The following SLC12A1 variants were observed in gnomAD, a reference collection of about 807,000 sequenced individuals.
SLC12A1 encodes the protein solute carrier family 12 member 1, also known as Na-K-2Cl cotransporter.
In SLC12A1, 89 loss-of-function variants were observed where a neutral mutation model predicts 130.4. The observed-to-expected ratio is 0.68, with a 90% CI of 0.58 to 0.81. SLC12A1 has a LOEUF of 0.81. SLC12A1 is among the 40% of genes least tolerant of loss of function. The pLI, the probability that SLC12A1 is intolerant of heterozygous loss-of-function variation, is 0.00. For synonymous variants in SLC12A1, 499 were observed against 460.0 expected (o/e 1.08, Z -1.09); for missense variants, 1,310 against 1,336.4 (o/e 0.98, Z 0.31).
intron 12 of SLC12A1, 93 bp from the exon 13 acceptor site, chr15:48,247,244 T>C: frequency 5.2e-6 from 7 of 1,340,570 alleles, no homozygotes; most frequent in Non-Finnish European, 7.2e-6. Context: ...GTGTATCACT[T>C]AATCTTTCCC....
chr15:48,283,254 G>C (rs150360965), intron 20 of SLC12A1, among the ~76,000 whole-genome samples: 309 of 152,306 alleles, frequency 2.0e-3, no homozygotes, highest in African/African-American at 6.8e-3. Flanking sequence ...TGGGGGGTGG[G>C]AAAAGGAAAG....
Position 48,278,603 on chromosome 15 carries a change from C to T in SLC12A1, c.2485+3950C>T, listed in dbSNP as rs752449384. On this transcript the variant is annotated intron_variant, in intron 20 of 26. Transcript: ENST00000380993. ...GGCTGCCTGTCTATGGTAACATAGA[C>T]CTGACTTTGAGGGCAATTACAAGAA... Among the ~76,000 whole-genome samples the T allele has an allele frequency of 6.6e-5, 10 of 152,252 alleles. No individual in the cohort carries two copies. In the South Asian group the frequency reaches 1.9e-3, roughly 28 times the overall value.
intron 2 of SLC12A1, among the ~76,000 whole-genome samples, chr15:48,211,813 T>C (rs1432807239): frequency 6.6e-6 from 1 of 152,224 alleles, no homozygotes; most frequent in Non-Finnish European, 1.5e-5. Flanking sequence ...GACATTATTT[T>C]AAGGCTCTAC....
At chr15:48,238,392 A>C (rs966795473) in intron 9 of SLC12A1, among the ~76,000 whole-genome samples, 3 of 152,202 alleles carry the variant, frequency 2.0e-5, no homozygotes, top group African/African-American at 7.2e-5. Context: ...TATGTGCAAA[A>C]GGGAAGACAG....
intron 24 of SLC12A1, among the ~76,000 whole-genome samples, chr15:48,295,322 G>C (rs190795327): frequency 6.6e-6 from 1 of 152,142 alleles, no homozygotes; most frequent in East Asian, 1.9e-4. Flanking sequence ...CTCTTTACTT[G>C]TCAATCTGGT....
At chr15:48,301,166 C>T in intron 25 of SLC12A1, 149 bp from the exon 26 acceptor site, 3 of 660,154 alleles carry the variant, frequency 4.5e-6, no homozygotes, top group South Asian at 1.8e-5. Flanking sequence ...GGTTTTAAAA[C>T]ACCATAAGTT....
chr15:48,208,162 A>C, intron 2 of SLC12A1, 23 bp downstream of exon 2: 1 of 1,545,310 alleles, frequency 6.5e-7, no homozygotes, highest in Non-Finnish European at 8.7e-7. Context: ...GACACAAGCA[A>C]GTCTCCTCCC....
At chr15:48,298,969 C>T (rs1004011919) in intron 24 of SLC12A1, among the ~76,000 whole-genome samples, 171 bp from the exon 25 acceptor site, 1 of 152,172 alleles carries the variant, frequency 6.6e-6, no homozygotes, top group Non-Finnish European at 1.5e-5. Context: ...GGAGGGAGTA[C>T]TGTAGCCATG....
chr15:48,226,620 C>A, intron 5 of SLC12A1, 49 bp downstream of exon 5: 1 of 1,144,956 alleles, frequency 8.7e-7, no homozygotes, highest in Non-Finnish European at 1.3e-6. Flanking sequence ...TACGGGTAGG[C>A]GAACAATTTT....
At chr15:48,261,022 C>G (rs1356349699) in intron 17 of SLC12A1, among the ~76,000 whole-genome samples, 1 of 152,162 alleles carries the variant, frequency 6.6e-6, no homozygotes, top group Non-Finnish European at 1.5e-5. Flanking sequence ...TAATGACCAA[C>G]TGTGACTCCA....
At chr15:48,228,933 T>C (rs1433292362) in intron 5 of SLC12A1, 3 of 327,456 alleles carry the variant, frequency 9.2e-6, no homozygotes, top group Non-Finnish European at 1.7e-5. Flanking sequence ...CTGTGTTCTT[T>C]TTTGTAGCTT....
rs1567299873 is a variant in SLC12A1, at chr15:48,208,033, C to A, written c.314C>A (p.Thr105Asn). The A allele has an allele frequency of 3.1e-6, 5 of 1,613,972 alleles. No individual in the cohort carries two copies. The highest frequency in any genetic ancestry group is 3.4e-6 in the Non-Finnish European group (4 of 1,179,878). Residue 105 changes from threonine to asparagine, a missense_variant, in exon 2 of 27, where the codon ACC becomes AAC. Thr to Asn is a moderately conservative substitution (Grantham distance 65). Transcript: ENST00000380993. ...TYYLQTFGHN[T>N]MDAVPKIEYY... ...TATCTACAAACTTTTGGCCACAACA[C>A]CATGGATGCCGTTCCCAAGATAGAG...
chr15:48,224,105 T>G (rs2041251935), intron 4 of SLC12A1: 1 of 152,254 alleles, frequency 6.6e-6, no homozygotes, highest in African/African-American at 2.4e-5. Flanking sequence ...TAACCATACT[T>G]GGAACGAGAG....
At chr15:48,261,812 C>G (rs2041778269) in intron 17 of SLC12A1, among the ~76,000 whole-genome samples, 5 of 152,108 alleles carry the variant, frequency 3.3e-5, no homozygotes, top group African/African-American at 1.2e-4. Flanking sequence ...GAATAACAGT[C>G]AAGTTTCAAA....
At chr15:48,270,310 A>T (rs2041879397) in intron 19 of SLC12A1, among the ~76,000 whole-genome samples, 1 of 152,134 alleles carries the variant, frequency 6.6e-6, no homozygotes, top group African/African-American at 2.4e-5. Flanking sequence ...GAGACTTAGG[A>T]TGTAAGTAAT....
intron 24 of SLC12A1, among the ~76,000 whole-genome samples, chr15:48,293,407 T>A (rs2141121351): frequency 6.6e-6 from 1 of 152,368 alleles, no homozygotes; most frequent in Middle Eastern, 3.4e-3. Context: ...TTAATACATT[T>A]GATTTCATGT....
At chr15:48,216,504 T>C (rs1027552532) in intron 2 of SLC12A1, among the ~76,000 whole-genome samples, 1 of 152,144 alleles carries the variant, frequency 6.6e-6, no homozygotes, top group Non-Finnish European at 1.5e-5. Context: ...TCAGAAAACA[T>C]AGGTTTTATT....
At chr15:48,233,066 C>A (rs2041399876) in intron 8 of SLC12A1, among the ~76,000 whole-genome samples, 1 of 152,150 alleles carries the variant, frequency 6.6e-6, no homozygotes, top group Non-Finnish European at 1.5e-5. Context: ...TTTGGGCACA[C>A]CATAGGTTTT....
At chr15:48,256,587 G>C (rs568769148) in intron 16 of SLC12A1, among the ~76,000 whole-genome samples, 2 of 152,280 alleles carry the variant, frequency 1.3e-5, no homozygotes, top group East Asian at 3.9e-4. Flanking sequence ...AGGAGCAAAG[G>C]CATGTCTTAC....
Sources: gnomAD v4.1 joint callset for allele counts (sites outside exome capture counted in the v4.1 genomes callset) on GRCh38, gnomAD v4.1.1 for gene constraint, MANE v1.5 for transcripts, NCBI Gene and HGNC (gene_info 2026-07-23, HGNC 2026-07-21) for gene names.